Variants in CORIN observed in about 807,000 individuals in gnomAD.
CORIN encodes the protein corin, serine peptidase.
A neutral mutation model predicts 125.3 loss-of-function variants in CORIN; 117 were observed. The observed-to-expected ratio is 0.93, with a 90% confidence interval of 0.80 to 1.09. The LOEUF is 1.09. CORIN is among the 50% of genes least tolerant of loss of function. CORIN has a pLI of 0.00. For synonymous variants in CORIN, 450 were observed against 466.4 expected (o/e 0.96, Z 0.45); for missense variants, 1,253 against 1,306.7 (o/e 0.96, Z 0.63).
At chr4:47,695,606 T>A (rs1214357205) in intron 5 of CORIN, among the ~76,000 whole-genome samples, 2 of 152,250 alleles carry the variant, frequency 1.3e-5, no homozygotes, top group East Asian at 3.8e-4. Flanking sequence ...TGGTTCCTCA[T>A]CTGGAAGTGT....
At chr4:47,625,951 A>AT (rs1021840283) in intron 17 of CORIN, among the ~76,000 whole-genome samples, 3 of 152,262 alleles carry the variant, frequency 2.0e-5, no homozygotes, top group African/African-American at 7.2e-5. Flanking sequence ...AGATGCAATG[A>AT]TTTTTTAGGG....
At chr4:47,628,784 C>T (rs778485779) in intron 16 of CORIN, among the ~76,000 whole-genome samples, 1 of 152,126 alleles carries the variant, frequency 6.6e-6, no homozygotes, top group African/African-American at 2.4e-5. Context: ...TCTCAAATGG[C>T]AGAATTTCCT....
chr4:47,682,631 T>C (rs1019410238), intron 7 of CORIN: 6 of 152,144 alleles, frequency 3.9e-5, no homozygotes, highest in African/African-American at 1.4e-4. Context: ...TACAAAGAAA[T>C]GATAAATGTT....
At chr4:47,677,124 T>C (rs1031024146) in intron 9 of CORIN, among the ~76,000 whole-genome samples, 1 of 152,244 alleles carries the variant, frequency 6.6e-6, no homozygotes, top group Non-Finnish European at 1.5e-5. Flanking sequence ...AGCCATGTAA[T>C]AAAAGCTCAC....
At chr4:47,624,896 C>T (rs1011470015) in intron 17 of CORIN, among the ~76,000 whole-genome samples, 1 of 151,612 alleles carries the variant, frequency 6.6e-6, no homozygotes, top group Non-Finnish European at 1.5e-5. Context: ...AAAAATGCAA[C>T]CCTAAATATA....
chr4:47,603,028 G>A (rs970438563), intron 20 of CORIN, among the ~76,000 whole-genome samples: 1 of 152,130 alleles, frequency 6.6e-6, no homozygotes, highest in South Asian at 2.1e-4. Context: ...GATCCTGGCT[G>A]ATATGGTTTG....
intron 5 of CORIN, among the ~76,000 whole-genome samples, chr4:47,730,011 T>C (rs931638035): frequency 6.6e-6 from 1 of 152,088 alleles, no homozygotes; most frequent in Non-Finnish European, 1.5e-5. Flanking sequence ...CACCACTCAA[T>C]AAAACCTTGC....
At chr4:47,738,165 T>C (rs1362941992) in intron 5 of CORIN, among the ~76,000 whole-genome samples, 1 of 152,104 alleles carries the variant, frequency 6.6e-6, no homozygotes, top group East Asian at 1.9e-4. Flanking sequence ...ATCCCATGAA[T>C]GTGCAGGACT....
chr4:47,684,409 T>C (rs1179380586), intron 6 of CORIN, among the ~76,000 whole-genome samples: 1 of 152,220 alleles, frequency 6.6e-6, no homozygotes, highest in South Asian at 2.1e-4. Flanking sequence ...ATGCTTATAG[T>C]TTAATGTTGA....
Position 47,765,312 on chromosome 4 carries a change from CA to C in CORIN, c.410-1727del, listed in dbSNP as rs59527992. On this transcript the variant is annotated intron_variant, in intron 3 of 21. Transcript: ENST00000273857. ...GGCGACAGAGCGAGACTCCGTCCCC[CA>C]AAAAAAAAAAAAAAGAATCCTAGGA... Among the ~76,000 whole-genome samples, 873 of 143,886 alleles carry C rather than the reference CA, an allele frequency of 6.1e-3. 5 individuals carry two copies. The highest frequency in any genetic ancestry group is 0.011 in the African/African-American group (451 of 39,840). The allele number at this position is 143,886 out of a possible 152,430, so 94.4% of individuals were successfully genotyped here. A position where few individuals can be genotyped will look rare whatever the true frequency, so the allele number is the denominator to read the frequency against.
chr4:47,791,817 A>G (rs1257226757), intron 2 of CORIN, among the ~76,000 whole-genome samples: 1 of 152,166 alleles, frequency 6.6e-6, no homozygotes, highest in Non-Finnish European at 1.5e-5. Flanking sequence ...TTTACTTTGC[A>G]TTTTCTATGT....
At chr4:47,694,267 A>G (rs1331121913) in intron 5 of CORIN, among the ~76,000 whole-genome samples, 1 of 152,224 alleles carries the variant, frequency 6.6e-6, no homozygotes, top group Non-Finnish European at 1.5e-5. Flanking sequence ...TATCTTTGGT[A>G]TTAGGATTAA....
intron 6 of CORIN, among the ~76,000 whole-genome samples, chr4:47,691,733 A>G (rs1334209062): frequency 6.6e-6 from 1 of 152,036 alleles, no homozygotes; most frequent in Non-Finnish European, 1.5e-5. Flanking sequence ...TATTTCCCAA[A>G]GTTTTTTTTT....
rs1491128899 is a variant in CORIN at position 47,731,880 on chromosome 4, A to AT, written c.799+12521_799+12522insA. Among the ~76,000 whole-genome samples the AT allele has an allele frequency of 2.6e-5, 4 of 151,332 alleles. No homozygotes were observed. In the East Asian group the frequency reaches 7.8e-4, roughly 30 times the overall value. ...CAAGACTCCATCTCAAAAAAAAAAA[A>AT]GAAAAAAAATTAGCAAATGTTGTTG... On this transcript the variant is annotated intron_variant, in intron 5 of 21. Transcript: ENST00000273857.
At chr4:47,626,744 T>C (rs1255925221) in intron 16 of CORIN, among the ~76,000 whole-genome samples, 1 of 152,226 alleles carries the variant, frequency 6.6e-6, no homozygotes, top group Non-Finnish European at 1.5e-5. Context: ...ATGTGTATGA[T>C]ACAAAAGTTC....
chr4:47,790,021 C>CA (rs201023566), intron 2 of CORIN, among the ~76,000 whole-genome samples: 1 of 151,916 alleles, frequency 6.6e-6, no homozygotes, highest in African/African-American at 2.4e-5. Flanking sequence ...GACTCCGTCT[C>CA]AAAAAAATAA....
chr4:47,596,876 C>T (rs1227100021), intron 21 of CORIN, among the ~76,000 whole-genome samples: 1 of 152,064 alleles, frequency 6.6e-6, no homozygotes, highest in African/African-American at 2.4e-5. Context: ...TTACAAAATA[C>T]CTAAGAGTTT....
intron 3 of CORIN, among the ~76,000 whole-genome samples, chr4:47,783,450 G>T (rs1302824760): frequency 6.6e-6 from 1 of 152,006 alleles, no homozygotes; most frequent in Non-Finnish European, 1.5e-5. Flanking sequence ...ACAAAATGCA[G>T]GATTCTATGT....
At chr4:47,635,765 C>A (rs1722999142) in intron 16 of CORIN, among the ~76,000 whole-genome samples, 1 of 152,132 alleles carries the variant, frequency 6.6e-6, no homozygotes, top group African/African-American at 2.4e-5. Flanking sequence ...CAGGTAAAAG[C>A]CAGATTGCAG....
Sources: gnomAD v4.1 joint callset for allele counts (sites outside exome capture counted in the v4.1 genomes callset) on GRCh38, gnomAD v4.1.1 for gene constraint, MANE v1.5 for transcripts, NCBI Gene and HGNC (gene_info 2026-07-23, HGNC 2026-07-21) for gene names.